Variants in UCK2 observed in about 807,000 individuals in gnomAD.
The protein encoded by UCK2 is uridine-cytidine kinase 2, also known as cytidine monophosphokinase 2.
A neutral mutation model predicts 30.8 loss-of-function variants in UCK2; 6 were observed. The ratio of observed to expected loss-of-function variants is 0.19; its 90% CI spans 0.11 to 0.38. The LOEUF is 0.38. Ranked by LOEUF, UCK2 falls within the 10% of genes least tolerant of loss-of-function variation. The pLI is 1.00. For missense variants in UCK2, 210 were observed against 339.8 expected (o/e 0.62, Z 3.00); for synonymous variants, 125 against 133.6 (o/e 0.94, Z 0.45).
rs936726702 is a variant in UCK2, at chr1:165,908,012, G to A, written c.*189G>A. 4 of 798,340 alleles carry A rather than the reference G, an allele frequency of 5.0e-6. No homozygotes were observed. 49.5% of individuals were successfully genotyped at this position (798,340 alleles called of 1,614,324 possible). On this transcript the variant is annotated 3_prime_UTR_variant, in exon 7 of 7. Transcript: ENST00000367879. ...ACAAAATGAAACAGAACTTGACCCT[G>A]AGCTTAAATAACAAAACTGTGCCAA... is the stretch of plus-strand genomic sequence containing the variant.
At chr1:165,860,060 T>C (rs572410703) in intron 1 of UCK2, among the ~76,000 whole-genome samples, 9 of 152,312 alleles carry the variant, frequency 5.9e-5, no homozygotes, top group African/African-American at 2.2e-4. Flanking sequence ...CACCATCATA[T>C]TTTGCTATAG....
intron 1 of UCK2, among the ~76,000 whole-genome samples, chr1:165,882,839 T>G (rs879786457): frequency 5.3e-5 from 8 of 152,162 alleles, no homozygotes; most frequent in Non-Finnish European, 1.2e-4. Flanking sequence ...CTTTTGTTTT[T>G]TTTTGAGACA....
chr1:165,834,091 G>T (rs1457479277), intron 1 of UCK2, among the ~76,000 whole-genome samples: 5 of 152,060 alleles, frequency 3.3e-5, no homozygotes, highest in Non-Finnish European at 7.4e-5. Context: ...TAAAAATCTT[G>T]TTTAATACTT....
chr1:165,904,050 TTATTTA>T (rs1260174955), intron 5 of UCK2: 2 of 152,136 alleles, frequency 1.3e-5, no homozygotes, highest in African/African-American at 2.4e-5. Flanking sequence ...GGCTCCTGAA[TTATTTA>T]TAGTTAAGCT....
chr1:165,878,433 C>T (rs1005004580), intron 1 of UCK2, among the ~76,000 whole-genome samples: 6 of 151,832 alleles, frequency 4.0e-5, no homozygotes, highest in Admixed American at 6.6e-5. Context: ...TGGGTTCAAG[C>T]GATTCTCCTG....
chr1:165,897,241 G>C (rs1287745518), intron 4 of UCK2, among the ~76,000 whole-genome samples: 1 of 147,236 alleles, frequency 6.8e-6, no homozygotes, highest in Non-Finnish European at 1.5e-5. Flanking sequence ...GAGCCACTGT[G>C]AGGTTCTGAG....
intron 4 of UCK2, among the ~76,000 whole-genome samples, chr1:165,898,817 G>A (rs1160074210): frequency 6.6e-6 from 1 of 152,180 alleles, no homozygotes; most frequent in Non-Finnish European, 1.5e-5. Flanking sequence ...GTTTCTTAGG[G>A]CCAGCTCTGC....
chr1:165,828,277 G>C (rs1177213632), intron 1 of UCK2, among the ~76,000 whole-genome samples: 2 of 152,226 alleles, frequency 1.3e-5, no homozygotes, highest in Admixed American at 1.3e-4. Context: ...CCAGTGTCGG[G>C]GGAGAGGGCT....
At chr1:165,860,358 C>A (rs542245954) in intron 1 of UCK2, among the ~76,000 whole-genome samples, 1 of 152,168 alleles carries the variant, frequency 6.6e-6, no homozygotes, top group Non-Finnish European at 1.5e-5. Context: ...CTACTGTTGA[C>A]AAAAGTAGAG....
intron 1 of UCK2, among the ~76,000 whole-genome samples, chr1:165,831,295 G>A (rs964368383): frequency 6.6e-6 from 1 of 152,078 alleles, no homozygotes; most frequent in African/African-American, 2.4e-5. Context: ...GAGGCAGGAG[G>A]ATGGCTTGAG....
chr1:165,901,052 G>A (rs148548284), intron 4 of UCK2, among the ~76,000 whole-genome samples: 4 of 152,154 alleles, frequency 2.6e-5, no homozygotes, highest in Non-Finnish European at 5.9e-5. Flanking sequence ...GGGGACTTCT[G>A]GGGGGTGAGC....
intron 1 of UCK2, among the ~76,000 whole-genome samples, chr1:165,883,992 T>C (rs10918303): frequency 0.33 from 49,598 of 151,988 alleles, 8,347 homozygotes; most frequent in East Asian, 0.49. Flanking sequence ...TTCTGAGCCA[T>C]GTGGGGAGCA....
chr1:165,844,930 A>G (rs768476085), intron 1 of UCK2, among the ~76,000 whole-genome samples: 3 of 152,132 alleles, frequency 2.0e-5, no homozygotes, highest in Non-Finnish European at 4.4e-5. Flanking sequence ...TATAATCTTT[A>G]TAATAAATTG....
At chr1:165,877,597 C>T (rs1655371889) in intron 1 of UCK2, among the ~76,000 whole-genome samples, 1 of 152,200 alleles carries the variant, frequency 6.6e-6, no homozygotes, top group Non-Finnish European at 1.5e-5. Context: ...TATCAGCAGT[C>T]ATTCGTTTTT....
Position 165,827,717 on chromosome 1 carries a change from C to T in UCK2, c.-117C>T. On this transcript the variant is annotated 5_prime_UTR_variant, in exon 1 of 7. Coordinates refer to ENST00000367879, the MANE Select transcript of UCK2 (RefSeq NM_012474.5). Reference sequence around the variant, plus strand: ...GCGGCTCGCAGGCGAGCGACAGCGGCCTCAGCCCCGGCAGCGCCCAGCGGC... The same window carrying T: ...GCGGCTCGCAGGCGAGCGACAGCGGTCTCAGCCCCGGCAGCGCCCAGCGGC... 1.1e-6 allele frequency: 1 copy of T among 951,460 alleles called. No homozygotes were observed. Among genetic ancestry groups the T allele is most frequent in the Non-Finnish European group, 1.4e-6 (1 of 720,640 alleles). The allele number at this position is 951,460 out of a possible 1,614,324, so 58.9% of individuals were successfully genotyped here.
rs566389116 is a variant in UCK2, at chr1:165,843,983, C to G, written c.99+16051C>G. ...ATAGCTAATACTTCCCGAGCACTAA[C>G]TATATACTGAGTGCTATTCTAAGTG... On this transcript the variant is annotated intron_variant, in intron 1 of 6. Transcript: ENST00000367879. Among the ~76,000 whole-genome samples the G allele has an allele frequency of 3.5e-4, 54 of 152,286 alleles. No homozygotes were observed. In the Middle Eastern group the frequency reaches 0.014, roughly 38 times the overall value.
chr1:165,846,072 A>T (rs894009427), intron 1 of UCK2, among the ~76,000 whole-genome samples: 1 of 152,136 alleles, frequency 6.6e-6, no homozygotes, highest in African/African-American at 2.4e-5. Flanking sequence ...TGGGATGATC[A>T]CTTGAGCCCA....
In UCK2 at chr1:165,909,526, C is replaced by T. The variant is rs1647781180; in HGVS notation, c.*1703C>T. 1 of 152,240 alleles carries T rather than the reference C, an allele frequency of 6.6e-6. No homozygotes were observed. Among genetic ancestry groups the T allele is most frequent in the Admixed American group, 6.5e-5 (1 of 15,282 alleles). 9.4% of individuals were successfully genotyped at this position (152,240 alleles called of 1,614,324 possible). ...CCCCGTTTCTGGGCTCAGTTTGACTCTAAATCTGTTTTGCTATTTTAAAAA... is the reference window on the plus strand; with the variant it reads ...CCCCGTTTCTGGGCTCAGTTTGACTTTAAATCTGTTTTGCTATTTTAAAAA... On this transcript the variant is annotated 3_prime_UTR_variant, in exon 7 of 7. Transcript: ENST00000367879.
intron 3 of UCK2, chr1:165,891,640 A>T: frequency 3.8e-6 from 1 of 262,870 alleles, no homozygotes; most frequent in Non-Finnish European, 7.3e-6. Flanking sequence ...CTGTTCCTGG[A>T]ACAAGATGTA....
Sources: allele counts gnomAD v4.1 joint callset (sites outside exome capture counted in the v4.1 genomes callset), GRCh38; gene constraint gnomAD v4.1.1; transcripts MANE v1.5; gene names NCBI Gene and HGNC (gene_info 2026-07-23, HGNC 2026-07-21).